Variants in EYS observed in about 807,000 individuals in gnomAD.
The protein encoded by EYS is EGF-like photoreceptor maintenance factor.
A neutral mutation model predicts 282.1 loss-of-function variants in EYS; 250 were observed. The ratio of observed to expected loss-of-function variants is 0.89; its 90% CI spans 0.80 to 0.98. The LOEUF (loss-of-function observed/expected upper bound fraction) is 0.98, where lower values mean the gene tolerates loss of function less well. EYS is among the 50% of genes least tolerant of loss of function. The pLI, the probability that EYS is intolerant of heterozygous loss-of-function variation, is 0.00. For synonymous variants in EYS, 1,355 were observed against 1,282.9 expected (o/e 1.06, Z -1.20); for missense variants, 4,016 against 3,709.0 (o/e 1.08, Z -2.15).
At chr6:63,905,944 CTGATTTTAG>C (rs1428077342) in intron 35 of EYS, among the ~76,000 whole-genome samples, 1 of 152,132 alleles carries the variant, frequency 6.6e-6, no homozygotes, top group African/African-American at 2.4e-5. Context: ...AACATTTCTC[CTGATTTTAG>C]TGAGGACATT....
intron 29 of EYS, among the ~76,000 whole-genome samples, chr6:64,372,144 T>G (rs1458808658): frequency 7.2e-4 from 19 of 26,564 alleles, no homozygotes; most frequent in African/African-American, 1.3e-3. Context: ...TTTTTTTTTT[T>G]TTTTTTTTTT....
intron 12 of EYS, among the ~76,000 whole-genome samples, chr6:65,065,569 T>C (rs1390920977): frequency 1.3e-5 from 2 of 151,432 alleles, no homozygotes; most frequent in Admixed American, 6.6e-5. Context: ...TAATTTCTAG[T>C]AGAGACGGGG....
intron 35 of EYS, among the ~76,000 whole-genome samples, chr6:63,923,037 T>C (rs1480435957): frequency 6.6e-6 from 1 of 152,218 alleles, no homozygotes; most frequent in Non-Finnish European, 1.5e-5. Context: ...GTTGTCACAC[T>C]TTATAAATGT....
rs535727167 is a variant in EYS, at chr6:63,902,915, G to A, written c.7056-38557C>T. On this transcript the variant is annotated intron_variant, in intron 35 of 42. Transcript: ENST00000503581. The stretch of plus-strand genomic sequence containing the variant: ...GTTCTCTTCTGATTATGTATACCAG[G>A]GTAATTGGCTAAGCATGAAGTAGGG... Among the ~76,000 whole-genome samples the A allele has an allele frequency of 5.9e-5, 9 of 152,234 alleles. No individual in the cohort carries two copies. The East Asian group carries it at 1.5e-3, about 26-fold the overall frequency.
chr6:65,061,144 T>G (rs1773563411), intron 12 of EYS, among the ~76,000 whole-genome samples: 1 of 151,952 alleles, frequency 6.6e-6, no homozygotes, highest in Non-Finnish European at 1.5e-5. Flanking sequence ...TAGGCCACAT[T>G]TAAGGTGTAC....
intron 8 of EYS, among the ~76,000 whole-genome samples, chr6:65,355,985 G>A (rs79713858): frequency 1.3e-4 from 20 of 152,046 alleles, no homozygotes; most frequent in East Asian, 5.8e-4. Flanking sequence ...GGATATCTGC[G>A]CAAAGGAAAA....
intron 26 of EYS, among the ~76,000 whole-genome samples, chr6:64,518,784 C>CCCG (rs1554169755): frequency 6.6e-5 from 10 of 150,678 alleles, no homozygotes; most frequent in East Asian, 6.1e-4. Context: ...TAAGGGGCCC[C>CCCG]CCCCTTCTCA....
At chr6:64,807,185 AAT>A (rs1177446737) in intron 22 of EYS, among the ~76,000 whole-genome samples, 1 of 152,184 alleles carries the variant, frequency 6.6e-6, no homozygotes, top group Non-Finnish European at 1.5e-5. Context: ...TAACTGCAAG[AAT>A]AGTCATGATA....
At chr6:63,847,692 AGC>A (rs1772135309) in intron 36 of EYS, among the ~76,000 whole-genome samples, 1 of 152,206 alleles carries the variant, frequency 6.6e-6, no homozygotes, top group Admixed American at 6.5e-5. Context: ...AAATCAATGA[AGC>A]TCTCTACTTT....
chr6:64,758,792 G>A (rs1440205789), intron 22 of EYS, among the ~76,000 whole-genome samples: 2 of 152,258 alleles, frequency 1.3e-5, no homozygotes, highest in Admixed American at 6.5e-5. Flanking sequence ...TGGGCAAAGA[G>A]TAATCAATTT....
intron 12 of EYS, among the ~76,000 whole-genome samples, chr6:65,243,914 T>C (rs1264208995): frequency 6.6e-6 from 1 of 152,176 alleles, no homozygotes; most frequent in Non-Finnish European, 1.5e-5. Flanking sequence ...CAAAGTAATT[T>C]GTTTTTAAAG....
intron 11 of EYS, among the ~76,000 whole-genome samples, chr6:65,311,612 T>A (rs988175184): frequency 2.0e-4 from 31 of 152,218 alleles, no homozygotes; most frequent in African/African-American, 7.5e-4. Flanking sequence ...TATGCACAAA[T>A]TCTGCACAAC....
intron 31 of EYS, among the ~76,000 whole-genome samples, chr6:64,098,668 T>C (rs2150257459): frequency 6.6e-6 from 1 of 151,350 alleles, no homozygotes; most frequent in South Asian, 2.1e-4. Context: ...TGGTGCCATC[T>C]CGGCTCACTG....
chr6:64,137,095 G>A (rs1284585892), intron 31 of EYS, among the ~76,000 whole-genome samples: 1 of 152,108 alleles, frequency 6.6e-6, no homozygotes, highest in Non-Finnish European at 1.5e-5. Context: ...ATCATCACTT[G>A]TTGCTTCATC....
intron 22 of EYS, among the ~76,000 whole-genome samples, chr6:64,809,389 G>A (rs1764529537): frequency 2.6e-5 from 4 of 151,800 alleles, no homozygotes; most frequent in Non-Finnish European, 4.4e-5. Flanking sequence ...AAAAACTAAG[G>A]CACATTGAAA....
intron 26 of EYS, among the ~76,000 whole-genome samples, chr6:64,525,295 C>T (rs912599796): frequency 3.3e-5 from 5 of 151,574 alleles, no homozygotes; most frequent in East Asian, 3.9e-4. Flanking sequence ...AATGACAGAC[C>T]GGATAAAGAA....
intron 12 of EYS, among the ~76,000 whole-genome samples, chr6:65,274,532 C>A (rs1470312000): frequency 6.6e-6 from 1 of 152,168 alleles, no homozygotes; most frequent in East Asian, 1.9e-4. Flanking sequence ...TTCATAAGGA[C>A]CACCAGAAGT....
At chr6:64,451,438 G>A (rs1184235103) in intron 26 of EYS, among the ~76,000 whole-genome samples, 8 of 152,118 alleles carry the variant, frequency 5.3e-5, no homozygotes, top group Non-Finnish European at 1.0e-4. Flanking sequence ...GTACAAGGAG[G>A]AGCTGGTACC....
chr6:64,945,504 T>G (rs150457908), intron 15 of EYS, among the ~76,000 whole-genome samples: 2 of 152,070 alleles, frequency 1.3e-5, no homozygotes, highest in Non-Finnish European at 2.9e-5. Context: ...TCCAAAACAA[T>G]GTTAAGATGG....
Sources: gnomAD v4.1 joint callset for allele counts (sites outside exome capture counted in the v4.1 genomes callset) on GRCh38, gnomAD v4.1.1 for gene constraint, MANE v1.5 for transcripts, NCBI Gene and HGNC (gene_info 2026-07-23, HGNC 2026-07-21) for gene names.